Variants in EIPR1 observed in about 807,000 individuals in gnomAD.
The protein encoded by EIPR1 is EARP and GARP complex-interacting protein 1.
Under a neutral mutation model 48.1 loss-of-function variants are expected in EIPR1, and 25 were observed. The observed-to-expected ratio is 0.52, with a 90% confidence interval of 0.38 to 0.73. EIPR1 has a LOEUF of 0.73. Among genes scored for constraint, EIPR1 ranks in the 30% least tolerant of loss-of-function variants. EIPR1 has a pLI of 0.00. For synonymous variants in EIPR1, 204 were observed against 201.9 expected (o/e 1.01, Z -0.09); for missense variants, 415 against 506.2 (o/e 0.82, Z 1.73).
chr2:3,331,178 TG>T (rs1669890214), intron 3 of EIPR1, among the ~76,000 whole-genome samples: 1 of 110,636 alleles, frequency 9.0e-6, no homozygotes. Context: ...CAGAGGCAGG[TG>T]TACACTCATA....
At chr2:3,283,540 C>G (rs1001635181) in intron 3 of EIPR1, among the ~76,000 whole-genome samples, 2 of 65,562 alleles carry the variant, frequency 3.1e-5, no homozygotes, top group African/African-American at 6.2e-5. Context: ...ACGTTCACAC[C>G]CCGGCACACT....
intron 1 of EIPR1, among the ~76,000 whole-genome samples, chr2:3,375,261 A>G (rs1204263707): frequency 6.7e-6 from 1 of 149,196 alleles, no homozygotes; most frequent in Non-Finnish European, 1.5e-5. Context: ...GGATAGCATT[A>G]GGAGATATAC....
intron 4 of EIPR1, among the ~76,000 whole-genome samples, chr2:3,228,454 T>C (rs1353538161): frequency 1.3e-5 from 2 of 152,252 alleles, no homozygotes; most frequent in African/African-American, 2.4e-5. Context: ...ATTTTACAGA[T>C]GCATAGGCAG....
chr2:3,323,288 G>C (rs141491014), intron 3 of EIPR1, among the ~76,000 whole-genome samples: 1 of 152,180 alleles, frequency 6.6e-6, no homozygotes, highest in African/African-American at 2.4e-5. Context: ...AGCCAGGAAC[G>C]AGGCTTCTGG....
chr2:3,210,627 CTTTT>C (rs56963007), intron 5 of EIPR1, among the ~76,000 whole-genome samples: 6 of 118,412 alleles, frequency 5.1e-5, no homozygotes, highest in Admixed American at 9.5e-5. Context: ...CCTCCCAATT[CTTTT>C]TTTTTTTTTT....
chr2:3,325,589 G>A lies in EIPR1; in HGVS notation c.259+12428C>T, dbSNP rs1193746567. On this transcript the variant is annotated intron_variant, in intron 3 of 8. Coordinates refer to ENST00000382125, the MANE Select transcript of EIPR1 (RefSeq NM_003310.5). ...AACAGAGCTTCTGTCCTTGTCTTCAGGGAGCCACACCAATGGCAGAGGAAA... is the reference window on the plus strand; with the variant it reads ...AACAGAGCTTCTGTCCTTGTCTTCAAGGAGCCACACCAATGGCAGAGGAAA... Among the ~76,000 whole-genome samples the A allele has an allele frequency of 2.6e-5, 4 of 152,146 alleles. No individual in the cohort carries two copies. In the East Asian group the frequency reaches 7.7e-4, roughly 29 times the overall value.
At chr2:3,297,624 T>G (rs1182040305) in intron 3 of EIPR1, among the ~76,000 whole-genome samples, 1 of 152,216 alleles carries the variant, frequency 6.6e-6, no homozygotes, top group Non-Finnish European at 1.5e-5. Flanking sequence ...TCATAAATAT[T>G]TTTGGCTTTG....
intron 2 of EIPR1, among the ~76,000 whole-genome samples, chr2:3,341,665 G>A (rs1375546988): frequency 6.6e-6 from 1 of 151,256 alleles, no homozygotes; most frequent in Non-Finnish European, 1.5e-5. Context: ...TGTATGTGTG[G>A]GTGTGAGGCA....
intron 3 of EIPR1, chr2:3,320,031 G>A (rs62121545): frequency 7.5e-3 from 785 of 104,778 alleles, no homozygotes; most frequent in Middle Eastern, 0.011. Flanking sequence ...GAGCAATACT[G>A]CACCTGCGGG....
intron 3 of EIPR1, among the ~76,000 whole-genome samples, chr2:3,275,100 A>G (rs777453252): frequency 1.3e-5 from 2 of 152,232 alleles, no homozygotes; most frequent in South Asian, 2.1e-4. Context: ...CACAATAACT[A>G]TAAGGGACAT....
intron 4 of EIPR1, among the ~76,000 whole-genome samples, chr2:3,214,981 C>G (rs561595717): frequency 5.3e-5 from 8 of 152,246 alleles, no homozygotes; most frequent in African/African-American, 1.9e-4. Context: ...CGTGAGGACA[C>G]AGTGAGAAGG....
chr2:3,287,960 G>A (rs1460294738), intron 3 of EIPR1, among the ~76,000 whole-genome samples: 2 of 152,266 alleles, frequency 1.3e-5, no homozygotes, highest in Admixed American at 6.5e-5. Flanking sequence ...TGAGTAAGGA[G>A]TAGGCTGCCT....
chr2:3,338,695 C>T (rs1487075722), intron 2 of EIPR1, among the ~76,000 whole-genome samples: 1 of 152,188 alleles, frequency 6.6e-6, no homozygotes, highest in East Asian at 1.9e-4. Context: ...ACACTGTTAT[C>T]CTCTTTTCAA....
At chr2:3,299,219 G>A (rs547701342) in intron 3 of EIPR1, among the ~76,000 whole-genome samples, 1 of 152,284 alleles carries the variant, frequency 6.6e-6, no homozygotes, top group Non-Finnish European at 1.5e-5. Flanking sequence ...AGGGCCTCCC[G>A]CGTGAGCCTC....
At chr2:3,273,277 A>G (rs557336363) in intron 3 of EIPR1, among the ~76,000 whole-genome samples, 5 of 152,322 alleles carry the variant, frequency 3.3e-5, no homozygotes, top group African/African-American at 1.2e-4. Flanking sequence ...TACGACTGGG[A>G]GCAAATAGTA....
chr2:3,248,975 T>C (rs1666924570), intron 4 of EIPR1, among the ~76,000 whole-genome samples: 1 of 152,164 alleles, frequency 6.6e-6, no homozygotes, highest in African/African-American at 2.4e-5. Context: ...ACCTCTTTTT[T>C]TATAAATTAC....
At chr2:3,214,617 C>T (rs1284096752) in intron 4 of EIPR1, among the ~76,000 whole-genome samples, 3 of 152,208 alleles carry the variant, frequency 2.0e-5, no homozygotes, top group African/African-American at 7.2e-5. Context: ...CCAGCCTAAC[C>T]TACCTTAAAC....
Position 3,194,046 on chromosome 2 carries a change from G to A in EIPR1, c.774C>T (p.Thr258=). 1 of 1,613,822 alleles carries A rather than the reference G, an allele frequency of 6.2e-7. No individual in the cohort carries two copies. The highest frequency in any genetic ancestry group is 1.1e-5 in the South Asian group (1 of 91,068). ...TCTTCACGGGTTCGGTGACATTTCG[G>A]GTGTCCCAGAACTTCACCTTACAGT... ...GDDCKVKFWD[T]RNVTEPVKTL... is the part of the protein sequence containing the mutation. Residue 258 remains threonine, a synonymous_variant, in exon 7 of 9, where the codon ACC becomes ACT. Coordinates refer to ENST00000382125, the MANE Select transcript of EIPR1 (RefSeq NM_003310.5).
intron 2 of EIPR1, among the ~76,000 whole-genome samples, chr2:3,345,587 G>A (rs886783306): frequency 4.0e-5 from 6 of 151,382 alleles, no homozygotes; most frequent in Non-Finnish European, 7.4e-5. Context: ...GTCACACCAC[G>A]GCACTCCAGC....
Sources: allele counts gnomAD v4.1 joint callset (sites outside exome capture counted in the v4.1 genomes callset), GRCh38; gene constraint gnomAD v4.1.1; transcripts MANE v1.5; gene names NCBI Gene and HGNC (gene_info 2026-07-23, HGNC 2026-07-21).